Variants in ARMS2 observed in about 807,000 individuals in gnomAD.
The protein encoded by ARMS2 is age-related maculopathy susceptibility 2.
A neutral mutation model predicts 6.0 loss-of-function variants in ARMS2; 4 were observed. That is an observed-to-expected ratio of 0.67 (90% confidence interval 0.33 to 1.53). The LOEUF (loss-of-function observed/expected upper bound fraction) is 1.53, where lower values mean the gene tolerates loss of function less well. Ranked by LOEUF, ARMS2 falls within the 40% of genes most tolerant of loss-of-function variation. ARMS2 has a pLI of 0.06. For missense variants in ARMS2, 99 were observed against 127.6 expected, an observed-to-expected ratio of 0.78 and a Z score of 1.08; for synonymous variants, 49 against 51.7, an observed-to-expected ratio of 0.95 and a Z score of 0.22.
rs913710691 is a variant in ARMS2, at chr10:122,457,034, C to A, written c.*101C>A. The A allele has an allele frequency of 2.5e-5, 37 of 1,464,484 alleles. No homozygotes were observed. The African/African-American group carries it at 4.2e-4, about 17-fold the overall frequency. 90.7% of individuals were successfully genotyped at this position (1,464,484 alleles called of 1,614,324 possible). A position where few individuals can be genotyped will look rare whatever the true frequency, so the allele number is the denominator to read the frequency against. On this transcript the variant is annotated 3_prime_UTR_variant, in exon 2 of 2. Transcript: ENST00000528446. ...GAGGACAGAGGGAGTCCCTCACAAC[C>A]TAGACTGGTCCCCTTCCCTCCAGCT...
At chr10:122,456,303 A>AG (rs940556999) in intron 1 of ARMS2, among the ~76,000 whole-genome samples, 1 of 151,914 alleles carries the variant, frequency 6.6e-6, no homozygotes, top group Non-Finnish European at 1.5e-5. Context: ...AAAACAAAAA[A>AG]AAAAAAGAAA....
intron 1 of ARMS2, among the ~76,000 whole-genome samples, chr10:122,455,682 A>G (rs36212732): frequency 0.24 from 35,780 of 152,090 alleles, 4,417 homozygotes; most frequent in East Asian, 0.42. Flanking sequence ...TGTGCTTGCC[A>G]TAGTATATAT....
rs2097477731 is a variant in ARMS2, at chr10:122,457,026, C to T, written c.*93C>T. On this transcript the variant is annotated 3_prime_UTR_variant, in exon 2 of 2. Coordinates refer to ENST00000528446, the MANE Select transcript of ARMS2 (RefSeq NM_001099667.3). ...ATCCTTAGGAGGACAGAGGGAGTCC[C>T]TCACAACCTAGACTGGTCCCCTTCC... 6.6e-7 allele frequency: 1 copy of T among 1,509,654 alleles called. No individual in the cohort carries two copies. Among genetic ancestry groups the T allele is most frequent in the South Asian group, 1.2e-5 (1 of 81,844 alleles). 93.5% of individuals were successfully genotyped at this position (1,509,654 alleles called of 1,614,324 possible).
chr10:122,456,805 T>A (rs2097477514), intron 1 of ARMS2, 102 bp from the exon 2 acceptor site: 1 of 1,496,144 alleles, frequency 6.7e-7, no homozygotes, highest in Admixed American at 2.1e-5. Flanking sequence ...CCCTATTGAG[T>A]TACATTAACT....
intron 1 of ARMS2, among the ~76,000 whole-genome samples, chr10:122,456,238 T>C (rs2133899433): frequency 6.6e-6 from 1 of 151,234 alleles, no homozygotes; most frequent in Non-Finnish European, 1.5e-5. Context: ...GAAATGCTAG[T>C]GCTGGAGTCT....
At chr10:122,455,178 C>G (rs1317880731) in intron 1 of ARMS2, among the ~76,000 whole-genome samples, 154 bp downstream of exon 1, 1 of 152,206 alleles carries the variant, frequency 6.6e-6, no homozygotes, top group Non-Finnish European at 1.5e-5. Context: ...CTAGGCAATT[C>G]AGCCTTCCTC....
chr10:122,456,781 G>T (rs892054131), intron 1 of ARMS2, 126 bp from the exon 2 acceptor site: 24 of 1,346,462 alleles, frequency 1.8e-5, no homozygotes, highest in Admixed American at 7.5e-5. Flanking sequence ...GGAATGGAAT[G>T]TCTATACTTC....
At chr10:122,456,299 A>G (rs1307391620) in intron 1 of ARMS2, among the ~76,000 whole-genome samples, 1 of 146,916 alleles carries the variant, frequency 6.8e-6, no homozygotes, top group Non-Finnish European at 1.5e-5. Flanking sequence ...ACAAAAAACA[A>G]AAAAAAAAAA....
Position 122,456,892 on chromosome 10 carries a change from C to CTG in ARMS2, c.298-14_298-13insGT. The CTG allele has an allele frequency of 3.2e-6, 5 of 1,549,674 alleles. No individual in the cohort carries two copies. Among genetic ancestry groups the CTG allele is most frequent in the African/African-American group, 2.8e-5 (2 of 72,310 alleles). ...TCTTTAAAAATGCATATTACTAAATCTATTTTTTTTTCAGTCTATCATCCA... is the reference window on the plus strand; with the variant it reads ...TCTTTAAAAATGCATATTACTAAATCTGTATTTTTTTTTCAGTCTATCATCCA... On this transcript the variant is annotated splice_polypyrimidine_tract_variant and intron_variant, in intron 1 of 1. Transcript: ENST00000528446.
chr10:122,457,056 A>C lies in ARMS2; in HGVS notation c.*123A>C. On this transcript the variant is annotated 3_prime_UTR_variant, in exon 2 of 2. Transcript: ENST00000528446. ...AACCTAGACTGGTCCCCTTCCCTCC[A>C]GCTGCCTCAACTGTCCACAGGACTC... 1 of 1,310,346 alleles carries C rather than the reference A, an allele frequency of 7.6e-7. No individual in the cohort carries two copies. The highest frequency in any genetic ancestry group is 1.1e-6 in the Non-Finnish European group (1 of 945,508). 81.2% of individuals were successfully genotyped at this position (1,310,346 alleles called of 1,614,324 possible). A position where few individuals can be genotyped will look rare whatever the true frequency, so the allele number is the denominator to read the frequency against.
Position 122,456,947 on chromosome 10 carries a change from T to C in ARMS2, c.*14T>C, listed in dbSNP as rs2097477662. 3.9e-6 allele frequency: 6 copies of C among 1,551,474 alleles called. No individual in the cohort carries two copies. Among genetic ancestry groups the C allele is most frequent in the Non-Finnish European group, 5.2e-6 (6 of 1,146,914 alleles). On this transcript the variant is annotated 3_prime_UTR_variant, in exon 2 of 2. Transcript: ENST00000528446. Reference sequence around the variant, plus strand: ...GCAGCAAGGTGATTCTGCCAAAACATATCTCCTTAAAAGCCAACTGGAGCT... The same window carrying C: ...GCAGCAAGGTGATTCTGCCAAAACACATCTCCTTAAAAGCCAACTGGAGCT...
In ARMS2 at chr10:122,454,722, C is replaced by T. The variant is rs894548348; in HGVS notation, c.-6C>T. Reference sequence around the variant, plus strand: ...TTTGTCACCACATTATGTCCCTGTACCCTACATGCTGCGCCTATACCCAGG... The same window carrying T: ...TTTGTCACCACATTATGTCCCTGTATCCTACATGCTGCGCCTATACCCAGG... On this transcript the variant is annotated 5_prime_UTR_variant, in exon 1 of 2. Coordinates refer to ENST00000528446, the MANE Select transcript of ARMS2 (RefSeq NM_001099667.3). The T allele has an allele frequency of 3.1e-6, 5 of 1,613,308 alleles. No individual in the cohort carries two copies. Among genetic ancestry groups the T allele is most frequent in the Non-Finnish European group, 4.2e-6 (5 of 1,179,732 alleles).
rs2097477776 is a variant in ARMS2 at position 122,457,064 on chromosome 10, C to T, written c.*131C>T. On this transcript the variant is annotated 3_prime_UTR_variant, in exon 2 of 2. Coordinates refer to ENST00000528446, the MANE Select transcript of ARMS2 (RefSeq NM_001099667.3). ...CTGGTCCCCTTCCCTCCAGCTGCCT[C>T]AACTGTCCACAGGACTCTCTTCCCA... 3 of 1,208,174 alleles carry T rather than the reference C, an allele frequency of 2.5e-6. No individual in the cohort carries two copies. In the South Asian group the frequency reaches 4.4e-5, roughly 18 times the overall value. The allele number at this position is 1,208,174 out of a possible 1,614,324, so 74.8% of individuals were successfully genotyped here. A position where few individuals can be genotyped will look rare whatever the true frequency, so the allele number is the denominator to read the frequency against.
At position 122,455,024 on chromosome 10, in the gene ARMS2, G is replaced by T. The variant is rs767767755; in HGVS notation, c.297G>T (p.Leu99=). 1.3e-5 allele frequency: 19 copies of T among 1,501,842 alleles called. No homozygotes were observed. Among genetic ancestry groups the T allele is most frequent in the Non-Finnish European group, 1.7e-5 (19 of 1,086,540 alleles). 93.0% of individuals were successfully genotyped at this position (1,501,842 alleles called of 1,614,324 possible). ...AGCAGCCTCAGCACCACCTGACACT[G>T]GTAAGAAATGCAGATGATCAGGCCT... The part of the protein sequence containing the change: ...RFQQPQHHLT[L]SIIHTAAR The change falls in exon 1 of 2, where the codon CTG becomes CTT. Residue 99 remains leucine, a splice_region_variant and synonymous_variant. Coordinates refer to ENST00000528446, the MANE Select transcript of ARMS2 (RefSeq NM_001099667.3).
At position 122,456,942 on chromosome 10, in the gene ARMS2, A is replaced by G; in HGVS notation, c.*9A>G. 6.4e-7 allele frequency: 1 copy of G among 1,551,510 alleles called. No individual in the cohort carries two copies. Among genetic ancestry groups the G allele is most frequent in the Non-Finnish European group, 8.7e-7 (1 of 1,146,926 alleles). ...ACACTGCAGCAAGGTGATTCTGCCA[A>G]AACATATCTCCTTAAAAGCCAACTG... On this transcript the variant is annotated 3_prime_UTR_variant, in exon 2 of 2. Transcript: ENST00000528446.
In ARMS2 at chr10:122,454,838, G is replaced by A. The variant is rs549490955; in HGVS notation, c.111G>A (p.Leu37=). 6 of 1,613,896 alleles carry A rather than the reference G, an allele frequency of 3.7e-6. No homozygotes were observed. Among genetic ancestry groups the A allele is most frequent in the Non-Finnish European group, 5.1e-6 (6 of 1,179,906 alleles). The change falls in exon 1 of 2, where the codon CTG becomes CTA. Residue 37 remains leucine, a synonymous_variant. Coordinates refer to ENST00000528446, the MANE Select transcript of ARMS2 (RefSeq NM_001099667.3). ...TTCCTGTGTCCTTCATTTCCACTCTGCGAGAGTCTGTGCTGGACCCTGGAG... is the reference window on the plus strand; with the variant it reads ...TTCCTGTGTCCTTCATTTCCACTCTACGAGAGTCTGTGCTGGACCCTGGAG... ...SVVPVSFIST[L]RESVLDPGVG...
intron 1 of ARMS2, among the ~76,000 whole-genome samples, chr10:122,456,318 A>T (rs559809733): frequency 7.2e-5 from 11 of 151,932 alleles, no homozygotes; most frequent in Non-Finnish European, 1.5e-4. Flanking sequence ...AAGAAAAAAG[A>T]AAAAAAGAAA....
At position 122,454,695 on chromosome 10, in the gene ARMS2, C is replaced by T. The variant is rs747233108; in HGVS notation, c.-33C>T. The T allele has an allele frequency of 1.2e-6, 2 of 1,600,496 alleles. No homozygotes were observed. The highest frequency in any genetic ancestry group is 1.3e-5 in the African/African-American group (1 of 74,610). The stretch of plus-strand genomic sequence containing the variant: ...CAGCTGGCTTGGCAAGGGGACAGCA[C>T]CTTTGTCACCACATTATGTCCCTGT... On this transcript the variant is annotated 5_prime_UTR_variant, in exon 1 of 2. Coordinates refer to ENST00000528446, the MANE Select transcript of ARMS2 (RefSeq NM_001099667.3).
rs1468796933 is a variant in ARMS2 at position 122,457,081 on chromosome 10, C to G, written c.*148C>G. 6 of 1,025,214 alleles carry G rather than the reference C, an allele frequency of 5.9e-6. No homozygotes were observed. The South Asian group carries it at 8.3e-5, about 14-fold the overall frequency. 63.5% of individuals were successfully genotyped at this position (1,025,214 alleles called of 1,614,324 possible). ...AGCTGCCTCAACTGTCCACAGGACT[C>G]TCTTCCCACCTGCGGCCACACTGTG... is the stretch of plus-strand genomic sequence containing the variant. On this transcript the variant is annotated 3_prime_UTR_variant, in exon 2 of 2. Transcript: ENST00000528446.
Sources: allele counts gnomAD v4.1 joint callset (sites outside exome capture counted in the v4.1 genomes callset), GRCh38; gene constraint gnomAD v4.1.1; transcripts MANE v1.5; gene names NCBI Gene and HGNC (gene_info 2026-07-23, HGNC 2026-07-21).